The following PLEKHF2 variants were observed in gnomAD, a reference collection of about 807,000 sequenced individuals.
The protein encoded by PLEKHF2 is pleckstrin homology domain-containing family F member 2.
In PLEKHF2, 4 loss-of-function variants were observed where a neutral mutation model predicts 14.7. That is an observed-to-expected ratio of 0.27 (90% CI 0.13 to 0.62). The LOEUF (loss-of-function observed/expected upper bound fraction) is 0.62. Among genes scored for constraint, PLEKHF2 ranks in the 20% least tolerant of loss-of-function variants. The pLI is 0.85. For missense variants in PLEKHF2, 201 were observed against 307.7 expected, an observed-to-expected ratio of 0.65 and a Z score of 2.60; for synonymous variants, 90 against 103.5, an observed-to-expected ratio of 0.87 and a Z score of 0.79.
Position 95,140,809 on chromosome 8 carries a change from GTTTGT to G in PLEKHF2, c.-15+6783_-15+6787del, listed in dbSNP as rs978916421. ...CCACTGTTTTTTTTGTTTTGTTTTGGTTTGTTTTAAGTTAAAAAGTTTTTGGCTTG... is the reference window on the plus strand; with the variant it reads ...CCACTGTTTTTTTTGTTTTGTTTTGGTTTAAGTTAAAAAGTTTTTGGCTTG... On this transcript the variant is annotated intron_variant, in intron 1 of 1. Transcript: ENST00000315367. Among the ~76,000 whole-genome samples the G allele has an allele frequency of 2.0e-4, 31 of 152,152 alleles. 1 individual carries two copies. Among genetic ancestry groups the G allele is most frequent in the South Asian group, 6.2e-4 (3 of 4,814 alleles).
Position 95,154,314 on chromosome 8 carries a change from C to T in PLEKHF2, c.270C>T (p.Ile90=). 1 of 1,614,028 alleles carries T rather than the reference C, an allele frequency of 6.2e-7. No individual in the cohort carries two copies. Among genetic ancestry groups the T allele is most frequent in the Non-Finnish European group, 8.5e-7 (1 of 1,179,962 alleles). Residue 90 remains isoleucine (I), a synonymous_variant, in exon 2 of 2, where the codon ATC becomes ATT. Transcript: ENST00000315367. The surrounding 1 kb of genome is among the most constrained non-coding windows in gnomAD (Gnocchi z 5.6). Reference sequence around the variant, plus strand: ...TGGAAAATGTCACTATTGATTCCATCAAAGATGAGGGAGACTTAAGGAATG... The same window carrying T: ...TGGAAAATGTCACTATTGATTCCATTAAAGATGAGGGAGACTTAAGGAATG... ...IPLENVTIDS[I]KDEGDLRNGW...
intron 1 of PLEKHF2, among the ~76,000 whole-genome samples, chr8:95,150,722 G>A (rs1295415227): frequency 2.0e-5 from 3 of 152,124 alleles, no homozygotes; most frequent in Admixed American, 6.6e-5. Context: ...ATTTGTTCAA[G>A]GTAGTATTCC....
At chr8:95,151,493 A>G (rs965860480) in intron 1 of PLEKHF2, among the ~76,000 whole-genome samples, 4 of 151,776 alleles carry the variant, frequency 2.6e-5, no homozygotes, top group African/African-American at 9.7e-5. Context: ...AAATGACAAC[A>G]TTGTAGAAAG....
rs1810619841 is a variant in PLEKHF2 at position 95,156,381 on chromosome 8, A to G, written c.*1587A>G. 1 of 167,040 alleles carries G rather than the reference A, an allele frequency of 6.0e-6. No homozygotes were observed. Among genetic ancestry groups the G allele is most frequent in the South Asian group, 2.1e-4 (1 of 4,834 alleles). The allele number at this position is 167,040 out of a possible 1,614,324, so 10.3% of individuals were successfully genotyped here. A position where few individuals can be genotyped will look rare whatever the true frequency, so the allele number is the denominator to read the frequency against. On this transcript the variant is annotated 3_prime_UTR_variant, in exon 2 of 2. Coordinates refer to ENST00000315367, the MANE Select transcript of PLEKHF2 (RefSeq NM_024613.4). ...TTTTGAAAGTATCTGAGATATACAA[A>G]TCTCCCTGTAGGAAATGTGAAAGAA...
rs146585238 is a variant in PLEKHF2 at position 95,155,203 on chromosome 8, A to C, written c.*409A>C. On this transcript the variant is annotated 3_prime_UTR_variant, in exon 2 of 2. Coordinates refer to ENST00000315367, the MANE Select transcript of PLEKHF2 (RefSeq NM_024613.4). ...TAATGTTAGCAGCTTTTTTCTAACC[A>C]TCCTGTCTAATGGTTAAGACACCAG... The C allele has an allele frequency of 5.3e-6, 1 of 187,476 alleles. No individual in the cohort carries two copies. Among genetic ancestry groups the C allele is most frequent in the South Asian group, 1.3e-4 (1 of 7,456 alleles). 11.6% of individuals were successfully genotyped at this position (187,476 alleles called of 1,614,324 possible). A position where few individuals can be genotyped will look rare whatever the true frequency, so the allele number is the denominator to read the frequency against.
intron 1 of PLEKHF2, among the ~76,000 whole-genome samples, chr8:95,139,549 A>G (rs1411303351): frequency 6.6e-6 from 1 of 152,072 alleles, no homozygotes; most frequent in Non-Finnish European, 1.5e-5. Context: ...ATATTACTTT[A>G]ATGTTCTTCC....
At chr8:95,152,682 GCTACATCCTA>G (rs1440658857) in intron 1 of PLEKHF2, among the ~76,000 whole-genome samples, 2 of 152,056 alleles carry the variant, frequency 1.3e-5, no homozygotes, top group Admixed American at 1.3e-4. Context: ...TTTTAGGCCT[GCTACATCCTA>G]CTTTTGTGGA....
intron 1 of PLEKHF2, among the ~76,000 whole-genome samples, chr8:95,136,186 C>T (rs1251159502): frequency 2.6e-5 from 4 of 152,136 alleles, no homozygotes; most frequent in African/African-American, 4.8e-5. Flanking sequence ...GATGAGTACA[C>T]GTATGTTTGT....
chr8:95,145,652 C>T (rs939610784), intron 1 of PLEKHF2, among the ~76,000 whole-genome samples: 2 of 152,114 alleles, frequency 1.3e-5, no homozygotes, highest in Admixed American at 1.3e-4. Flanking sequence ...TCTCGATCTC[C>T]TGACCTTGTG....
At chr8:95,134,754 T>G (rs1810357450) in intron 1 of PLEKHF2, among the ~76,000 whole-genome samples, 1 of 152,178 alleles carries the variant, frequency 6.6e-6, no homozygotes, top group Non-Finnish European at 1.5e-5. Context: ...GAAGTGGGTA[T>G]GAAGGTTACA....
intron 1 of PLEKHF2, among the ~76,000 whole-genome samples, chr8:95,151,219 A>G (rs1256905817): frequency 6.6e-6 from 1 of 152,168 alleles, no homozygotes. Flanking sequence ...ATAATATGAA[A>G]AGCACAGTAC....
chr8:95,147,221 T>G (rs1274686186), intron 1 of PLEKHF2, among the ~76,000 whole-genome samples: 1 of 152,072 alleles, frequency 6.6e-6, no homozygotes, highest in Non-Finnish European at 1.5e-5. Flanking sequence ...CTTAGCTACA[T>G]GTTACAATTA....
chr8:95,146,212 C>CT (rs2132108491), intron 1 of PLEKHF2, among the ~76,000 whole-genome samples: 1 of 147,404 alleles, frequency 6.8e-6, no homozygotes, highest in African/African-American at 2.6e-5. Context: ...ATGTTTTCTT[C>CT]TTTAAAAAAA....
chr8:95,138,693 A>G (rs966214449), intron 1 of PLEKHF2, among the ~76,000 whole-genome samples: 7 of 152,132 alleles, frequency 4.6e-5, no homozygotes, highest in African/African-American at 1.7e-4. Context: ...GGCTTATACT[A>G]TATGTGCTAT....
At chr8:95,136,426 C>T (rs375676104) in intron 1 of PLEKHF2, among the ~76,000 whole-genome samples, 1 of 151,684 alleles carries the variant, frequency 6.6e-6, no homozygotes, top group Non-Finnish European at 1.5e-5. Context: ...AGTGAATTTT[C>T]GCCTGGGGGT....
intron 1 of PLEKHF2, among the ~76,000 whole-genome samples, chr8:95,144,345 A>C (rs1587306423): frequency 6.6e-6 from 1 of 152,238 alleles, no homozygotes; most frequent in East Asian, 1.9e-4. Flanking sequence ...AACCTATTTG[A>C]AACTGCCTTT....
intron 1 of PLEKHF2, among the ~76,000 whole-genome samples, chr8:95,146,040 A>G (rs1437587243): frequency 2.6e-5 from 4 of 152,192 alleles, no homozygotes; most frequent in Non-Finnish European, 4.4e-5. Context: ...GTTTCAATCC[A>G]GCAGTGACAC....
chr8:95,148,133 C>T (rs553084055), intron 1 of PLEKHF2, among the ~76,000 whole-genome samples: 9 of 151,766 alleles, frequency 5.9e-5, no homozygotes, highest in Admixed American at 5.9e-4. Context: ...ATATATATAC[C>T]TTTAATATCA....
chr8:95,134,904 G>C (rs1305737155), intron 1 of PLEKHF2, among the ~76,000 whole-genome samples: 2 of 152,194 alleles, frequency 1.3e-5, no homozygotes, highest in Non-Finnish European at 1.5e-5. Context: ...AGTCTTAAAG[G>C]CATGTGTTCT....
Sources: allele counts gnomAD v4.1 joint callset (sites outside exome capture counted in the v4.1 genomes callset), GRCh38; gene constraint gnomAD v4.1.1; non-coding constraint Gnocchi (gnomAD v3.1); transcripts MANE v1.5; gene names NCBI Gene and HGNC (gene_info 2026-07-23, HGNC 2026-07-21).